FERMT1: variants seen among roughly 807,000 people sequenced by gnomAD.
FERMT1 encodes the protein FERM domain containing kindlin 1, also known as fermitin family homolog 1.
A neutral mutation model predicts 85.3 loss-of-function variants in FERMT1; 60 were observed. The ratio of observed to expected loss-of-function variants is 0.70; its 90% CI spans 0.57 to 0.87. The LOEUF (loss-of-function observed/expected upper bound fraction) is 0.87, where lower values mean the gene tolerates loss of function less well. FERMT1 is among the 40% of genes least tolerant of loss of function. The probability of loss-of-function intolerance (pLI) is 0.00; values close to 1 mark genes in which losing one functional copy is unlikely to be tolerated. For synonymous variants in FERMT1, 275 were observed against 301.1 expected (o/e 0.91, Z 0.90); for missense variants, 701 against 818.9 (o/e 0.86, Z 1.76).
At position 6,096,917 on chromosome 20, in the gene FERMT1, T is replaced by C. The variant is rs758819322; in HGVS notation, c.1074A>G (p.Lys358=). Residue 358 remains lysine, a synonymous_variant, in exon 8 of 15, where the codon AAA becomes AAG. Coordinates refer to ENST00000217289, the MANE Select transcript of FERMT1 (RefSeq NM_017671.5). Reference sequence around the variant, plus strand: ...AAGTTCATACCAAAAGGCTGTCCGCTTTTCCACCTTCTAGGGTTACTTCCA... The same window carrying C: ...AAGTTCATACCAAAAGGCTGTCCGCCTTTCCACCTTCTAGGGTTACTTCCA... ...SNLEVTLEGG[K]ADSLLEDITD... is the part of the protein sequence containing the mutation. 7 of 1,613,296 alleles carry C rather than the reference T, an allele frequency of 4.3e-6. No homozygotes were observed. The East Asian group carries it at 1.6e-4, about 36-fold the overall frequency.
intron 8 of FERMT1, 60 bp downstream of exon 8, chr20:6,096,842 C>T (rs932532582): frequency 1.1e-4 from 111 of 1,044,190 alleles, no homozygotes; most frequent in Non-Finnish European, 1.4e-4. Flanking sequence ...AAGAAAAGTT[C>T]ATTTATACTT....
At chr20:6,119,362 G>A (rs755586286) in intron 2 of FERMT1, 42 bp downstream of exon 2, 2 of 1,596,164 alleles carry the variant, frequency 1.3e-6, no homozygotes, top group Admixed American at 1.7e-5. Context: ...GCACCAGACA[G>A]GGTTTCTAAT....
intron 9 of FERMT1, 46 bp downstream of exon 9, chr20:6,094,893 A>T: frequency 9.3e-7 from 1 of 1,074,356 alleles, no homozygotes; most frequent in Non-Finnish European, 1.5e-6. Context: ...TTTATCTTCA[A>T]GACTTTGTTA....
chr20:6,080,148 T>TA (rs201715580), intron 13 of FERMT1, among the ~76,000 whole-genome samples: 32 of 152,134 alleles, frequency 2.1e-4, no homozygotes, highest in South Asian at 8.3e-4. Flanking sequence ...CACAGCCACT[T>TA]AAAAAAATTT....
At chr20:6,090,892 G>A (rs1439186128) in intron 9 of FERMT1, among the ~76,000 whole-genome samples, 2 of 151,974 alleles carry the variant, frequency 1.3e-5, no homozygotes, top group Non-Finnish European at 2.9e-5. Flanking sequence ...TGCTGGGTGC[G>A]GTGGCTCGTG....
intron 1 of FERMT1, among the ~76,000 whole-genome samples, chr20:6,122,077 TG>T: frequency 6.6e-6 from 1 of 152,372 alleles, no homozygotes; most frequent in East Asian, 1.9e-4. Context: ...CTTATTTCAC[TG>T]GGCAATCTGA....
chr20:6,090,364 C>T (rs574403700), intron 9 of FERMT1, among the ~76,000 whole-genome samples: 141 of 152,178 alleles, frequency 9.3e-4, no homozygotes, highest in African/African-American at 3.2e-3. Context: ...TGAGCCACCA[C>T]GCCCAGCTGG....
In FERMT1 at chr20:6,076,813, G is replaced by A. The variant is rs1298089709; in HGVS notation, c.*360C>T. On this transcript the variant is annotated 3_prime_UTR_variant, in exon 15 of 15. Transcript: ENST00000217289. ...TTTTTACCTTTCTGTCTTCTCCATT[G>A]ACTTAGTAATGAGACAGATCAGCAC... 5.4e-6 allele frequency: 2 copies of A among 372,338 alleles called. No homozygotes were observed. The highest frequency in any genetic ancestry group is 7.8e-5 in the Admixed American group (2 of 25,572). The allele number at this position is 372,338 out of a possible 1,614,324, so 23.1% of individuals were successfully genotyped here.
At chr20:6,120,185 A>G (rs947046685) in intron 1 of FERMT1, among the ~76,000 whole-genome samples, 2 of 152,144 alleles carry the variant, frequency 1.3e-5, no homozygotes, top group African/African-American at 4.8e-5. Context: ...AAGCAAAATA[A>G]TTCCTATTTC....
chr20:6,103,016 C>T (rs1982702288), intron 6 of FERMT1, among the ~76,000 whole-genome samples: 1 of 152,102 alleles, frequency 6.6e-6, no homozygotes, highest in African/African-American at 2.4e-5. Flanking sequence ...CACTAAAATA[C>T]TATGAACTAT....
rs927022058 is a variant in FERMT1 at position 6,112,716 on chromosome 20, C to T, written c.386-93G>A. ...ATTTTGTGCATTTAAAATCATTTCT[C>T]AGGAAATTTCTGAAAAGTAAATGGG... On this transcript the variant is annotated intron_variant, in intron 3 of 14. Transcript: ENST00000217289. 3.6e-5 allele frequency: 34 copies of T among 951,080 alleles called. No individual in the cohort carries two copies. In the East Asian group the frequency reaches 7.2e-4, roughly 20 times the overall value. 58.9% of individuals were successfully genotyped at this position (951,080 alleles called of 1,614,324 possible).
At chr20:6,106,239 T>G (rs982717991) in intron 6 of FERMT1, among the ~76,000 whole-genome samples, 8 of 152,074 alleles carry the variant, frequency 5.3e-5, no homozygotes, top group Admixed American at 1.3e-4. Context: ...GTCCACAGGA[T>G]AAAAATCAAG....
chr20:6,092,190 G>A (rs184295259), intron 9 of FERMT1, among the ~76,000 whole-genome samples: 5 of 152,168 alleles, frequency 3.3e-5, no homozygotes, highest in Admixed American at 6.5e-5. Context: ...TTGTCATCCC[G>A]GATCAGTTTC....
chr20:6,122,848 G>C lies in FERMT1; in HGVS notation c.-93C>G, dbSNP rs557408247. On this transcript the variant is annotated 5_prime_UTR_variant, in exon 1 of 15. Coordinates refer to ENST00000217289, the MANE Select transcript of FERMT1 (RefSeq NM_017671.5). ...GAGCTGCGTCCCTACAAACTACCCC[G>C]GGCCGAGCCGAGGAGCGGGCGCTGG... 5.2e-5 allele frequency: 8 copies of C among 152,600 alleles called. No individual in the cohort carries two copies. In the East Asian group the frequency reaches 9.7e-4, roughly 18 times the overall value. The allele number at this position is 152,600 out of a possible 1,614,324, so 9.5% of individuals were successfully genotyped here. A position where few individuals can be genotyped will look rare whatever the true frequency, so the allele number is the denominator to read the frequency against.
intron 4 of FERMT1, among the ~76,000 whole-genome samples, chr20:6,110,967 C>T (rs1982931643): frequency 1.3e-5 from 2 of 152,144 alleles, no homozygotes; most frequent in Admixed American, 6.5e-5. Flanking sequence ...GACGGAGTCT[C>T]ACTCTGTCGC....
At chr20:6,096,610 G>A (rs1007919460) in intron 8 of FERMT1, among the ~76,000 whole-genome samples, 2 of 152,112 alleles carry the variant, frequency 1.3e-5, no homozygotes, top group African/African-American at 4.8e-5. Flanking sequence ...CACATTCCAT[G>A]CTAGTGAAGT....
chr20:6,094,843 G>T, intron 9 of FERMT1, 96 bp downstream of exon 9: 1 of 802,416 alleles, frequency 1.2e-6, no homozygotes, highest in East Asian at 2.4e-5. Context: ...TTTGAACCAT[G>T]AACCTGCCTC....
chr20:6,103,705 C>A (rs1027510189), intron 6 of FERMT1, among the ~76,000 whole-genome samples: 1 of 149,120 alleles, frequency 6.7e-6, no homozygotes, highest in Non-Finnish European at 1.5e-5. Context: ...GAGCTCTTTA[C>A]ATATTAGAGA....
chr20:6,078,738 C>T (rs961599699), intron 14 of FERMT1, among the ~76,000 whole-genome samples: 1 of 151,784 alleles, frequency 6.6e-6, no homozygotes, highest in African/African-American at 2.4e-5. Context: ...TCCTTCCCAC[C>T]TCGGCCTCCC....
Sources: allele counts gnomAD v4.1 joint callset (sites outside exome capture counted in the v4.1 genomes callset), GRCh38; gene constraint gnomAD v4.1.1; transcripts MANE v1.5; gene names NCBI Gene and HGNC (gene_info 2026-07-23, HGNC 2026-07-21).